Variants in ARHGAP31 observed in about 807,000 individuals in gnomAD.
ARHGAP31 encodes the protein Rho GTPase activating protein 31.
In ARHGAP31, 34 loss-of-function variants were observed where a neutral mutation model predicts 113.9. The observed-to-expected ratio is 0.30, with a 90% CI of 0.23 to 0.40. ARHGAP31 has a LOEUF of 0.40. Among genes scored for constraint, ARHGAP31 ranks in the 10% least tolerant of loss-of-function variants. The probability of loss-of-function intolerance (pLI) is 1.00; values close to 1 mark genes in which losing one functional copy is unlikely to be tolerated. For missense variants in ARHGAP31, 1,548 were observed against 1,767.1 expected, an observed-to-expected ratio of 0.88 and a Z score of 2.22; for synonymous variants, 650 against 684.8, an observed-to-expected ratio of 0.95 and a Z score of 0.79.
chr3:119,360,700 C>A (rs1213823441), intron 1 of ARHGAP31, among the ~76,000 whole-genome samples: 4 of 152,106 alleles, frequency 2.6e-5, no homozygotes, highest in Non-Finnish European at 5.9e-5. Flanking sequence ...AACTGTAAAG[C>A]ATAAATCAAA....
intron 3 of ARHGAP31, among the ~76,000 whole-genome samples, chr3:119,375,664 G>T (rs1390623384): frequency 6.6e-6 from 1 of 152,094 alleles, no homozygotes; most frequent in East Asian, 1.9e-4. Context: ...ATTCAATTTT[G>T]TTCAGATCGG....
intron 1 of ARHGAP31, among the ~76,000 whole-genome samples, chr3:119,312,744 G>A (rs944987178): frequency 8.5e-5 from 13 of 152,164 alleles, no homozygotes; most frequent in African/African-American, 3.1e-4. Context: ...GGAGCTTTCC[G>A]CAAAGATGGA....
chr3:119,411,207 AATGGG>A (rs1402102429), intron 11 of ARHGAP31, among the ~76,000 whole-genome samples: 2 of 152,204 alleles, frequency 1.3e-5, no homozygotes, highest in African/African-American at 4.8e-5. Flanking sequence ...ACCTAAGGGC[AATGGG>A]AAAGCATATG....
At chr3:119,411,154 G>A (rs935381973) in intron 11 of ARHGAP31, among the ~76,000 whole-genome samples, 3 of 152,176 alleles carry the variant, frequency 2.0e-5, no homozygotes, top group African/African-American at 7.2e-5. Flanking sequence ...GAGACTCAGG[G>A]GGATGCAGGA....
Position 119,375,320 on chromosome 3 carries a change from G to C in ARHGAP31, c.349-5584G>C, listed in dbSNP as rs76572795. Among the ~76,000 whole-genome samples, 412 of 152,282 alleles carry C rather than the reference G, an allele frequency of 2.7e-3. 2 individuals are homozygous for C. The highest frequency in any genetic ancestry group is 9.4e-3 in the African/African-American group (389 of 41,554). ...GAAAAGCCGTTCCTTGCTCCTCCCA[G>C]CTTCTGATGGCTGCTGACGTTCCTT... On this transcript the variant is annotated intron_variant, in intron 3 of 11. Coordinates refer to ENST00000264245, the MANE Select transcript of ARHGAP31 (RefSeq NM_020754.4).
intron 4 of ARHGAP31, among the ~76,000 whole-genome samples, chr3:119,381,707 G>A (rs746060216): frequency 6.6e-6 from 1 of 152,172 alleles, no homozygotes; most frequent in African/African-American, 2.4e-5. Flanking sequence ...GCCTCCAGGC[G>A]GCCTGTGTGG....
intron 1 of ARHGAP31, among the ~76,000 whole-genome samples, chr3:119,364,710 T>C (rs1270680712): frequency 6.6e-6 from 1 of 152,156 alleles, no homozygotes; most frequent in African/African-American, 2.4e-5. Flanking sequence ...TGGAGAACAA[T>C]GAAATGAAGA....
chr3:119,323,382 C>T (rs2079810775), intron 1 of ARHGAP31, among the ~76,000 whole-genome samples: 1 of 152,260 alleles, frequency 6.6e-6, no homozygotes, highest in African/African-American at 2.4e-5. Context: ...AGGGCTGCGG[C>T]CACACCCCGC....
chr3:119,294,735 C>A lies in ARHGAP31; in HGVS notation c.-170C>A. 1.5e-6 allele frequency: 1 copy of A among 672,090 alleles called. No individual in the cohort carries two copies. Among genetic ancestry groups the A allele is most frequent in the Admixed American group, 2.3e-5 (1 of 42,566 alleles). 41.6% of individuals were successfully genotyped at this position (672,090 alleles called of 1,614,324 possible). On this transcript the variant is annotated 5_prime_UTR_variant, in exon 1 of 12. Transcript: ENST00000264245. ...GGGTGGATCTCAGGCTCTGCCGGCC[C>A]GCGGCCCGCGGGGTCCATGCGCAGG...
intron 10 of ARHGAP31, among the ~76,000 whole-genome samples, chr3:119,404,370 T>A (rs2080642480): frequency 6.6e-6 from 1 of 152,180 alleles, no homozygotes; most frequent in Non-Finnish European, 1.5e-5. Flanking sequence ...TTCCTACCTG[T>A]GGCCAATGGG....
intron 1 of ARHGAP31, among the ~76,000 whole-genome samples, chr3:119,333,965 A>G (rs1351631638): frequency 2.0e-5 from 3 of 152,232 alleles, no homozygotes; most frequent in Non-Finnish European, 4.4e-5. Context: ...TATCACCAAC[A>G]GTCTCAGAGT....
chr3:119,365,939 AAAT>A (rs1362763864), intron 2 of ARHGAP31, among the ~76,000 whole-genome samples: 1 of 152,128 alleles, frequency 6.6e-6, no homozygotes, highest in African/African-American at 2.4e-5. Flanking sequence ...AAAAAATAAA[AAAT>A]AATAAAAATA....
chr3:119,388,166 T>A (rs1339620576), intron 6 of ARHGAP31, among the ~76,000 whole-genome samples: 2 of 152,064 alleles, frequency 1.3e-5, no homozygotes, highest in Non-Finnish European at 2.9e-5. Flanking sequence ...GAGTTATGGG[T>A]GTTGGGAGAA....
chr3:119,341,883 C>T (rs965627177), intron 1 of ARHGAP31: 7 of 151,712 alleles, frequency 4.6e-5, no homozygotes, highest in Non-Finnish European at 1.0e-4. Context: ...GCGCAGGAGC[C>T]ATGCTAATCT....
At chr3:119,336,634 T>C (rs899513800) in intron 1 of ARHGAP31, among the ~76,000 whole-genome samples, 3 of 151,338 alleles carry the variant, frequency 2.0e-5, no homozygotes, top group African/African-American at 7.4e-5. Context: ...TACTGCTGGT[T>C]TTATTTTTAA....
intron 1 of ARHGAP31, among the ~76,000 whole-genome samples, chr3:119,334,226 T>C (rs534819503): frequency 6.6e-6 from 1 of 152,262 alleles, no homozygotes; most frequent in East Asian, 1.9e-4. Flanking sequence ...CCTGTTTGGC[T>C]TGCCGTCTTG....
chr3:119,310,319 A>G (rs115248714), intron 1 of ARHGAP31, among the ~76,000 whole-genome samples: 2 of 152,354 alleles, frequency 1.3e-5, no homozygotes, highest in South Asian at 2.1e-4. Context: ...GTGGTCACCC[A>G]GTGGTGTGCA....
chr3:119,310,421 G>T (rs752384573), intron 1 of ARHGAP31, among the ~76,000 whole-genome samples: 6 of 152,150 alleles, frequency 3.9e-5, no homozygotes, highest in Non-Finnish European at 8.8e-5. Context: ...CAGACTGGGG[G>T]TCCCCAAACC....
chr3:119,353,860 C>T (rs895277466), intron 1 of ARHGAP31, among the ~76,000 whole-genome samples: 1 of 151,866 alleles, frequency 6.6e-6, no homozygotes, highest in Non-Finnish European at 1.5e-5. Context: ...ATTACCCATT[C>T]CCTTCTTGGC....
Sources: gnomAD v4.1 joint callset for allele counts (sites outside exome capture counted in the v4.1 genomes callset) on GRCh38, gnomAD v4.1.1 for gene constraint, MANE v1.5 for transcripts, NCBI Gene and HGNC (gene_info 2026-07-23, HGNC 2026-07-21) for gene names.